HMMR: variants seen among roughly 807,000 people sequenced by gnomAD.
HMMR encodes intracellular hyaluronic acid-binding protein.
In HMMR, 108 loss-of-function variants were observed where a neutral mutation model predicts 101.0. The ratio of observed to expected loss-of-function variants is 1.07; its 90% confidence interval spans 0.92 to 1.25. The LOEUF is 1.25. Among genes scored for constraint, HMMR ranks in the 50% most tolerant of loss-of-function variants. HMMR has a pLI of 0.00. For missense variants in HMMR, 813 were observed against 788.7 expected, an observed-to-expected ratio of 1.03 and a Z score of -0.37; for synonymous variants, 296 against 276.4, an observed-to-expected ratio of 1.07 and a Z score of -0.70.
rs923785653 is a variant in HMMR, at chr5:163,484,113, T to A, written c.1830T>A (p.Asn610Lys). 1 of 1,599,456 alleles carries A rather than the reference T, an allele frequency of 6.3e-7. No individual in the cohort carries two copies. Among genetic ancestry groups the A allele is most frequent in the Admixed American group, 1.7e-5 (1 of 57,194 alleles). ...AAGTAGAAAAACAGGCATTGTTGAA[T>A]GAACATGGTGCAGCTCAGGAACAGC... ...AFEVEKQALLNEHGAAQEQLN... is the reference protein window; with the variant it reads ...AFEVEKQALLKEHGAAQEQLN... Residue 610 changes from asparagine to lysine, a missense_variant, in exon 16 of 18, where the codon AAT (asparagine) becomes AAA (lysine). Coordinates refer to ENST00000393915, the MANE Select transcript of HMMR (RefSeq NM_001142556.2).
chr5:163,488,557 C>G (rs1759565826), intron 16 of HMMR, among the ~76,000 whole-genome samples: 2 of 152,146 alleles, frequency 1.3e-5, no homozygotes, highest in Admixed American at 1.3e-4. Context: ...ATCCCACTAC[C>G]TCCCCAGACC....
Position 163,491,392 on chromosome 5 carries a change from G to T in HMMR, c.*228G>T, listed in dbSNP as rs953263903. ...TTATCACCTCATTCTGAACCCTTTCGCTGGCTTTCCAGCTTAGAATGCATC... is the reference window on the plus strand; with the variant it reads ...TTATCACCTCATTCTGAACCCTTTCTCTGGCTTTCCAGCTTAGAATGCATC... On this transcript the variant is annotated 3_prime_UTR_variant, in exon 18 of 18. Transcript: ENST00000393915. 5.2e-6 allele frequency: 2 copies of T among 384,484 alleles called. No individual in the cohort carries two copies. Among genetic ancestry groups the T allele is most frequent in the Non-Finnish European group, 9.2e-6 (2 of 216,668 alleles). 23.8% of individuals were successfully genotyped at this position (384,484 alleles called of 1,614,324 possible).
chr5:163,468,104 G>A (rs1279839482), intron 4 of HMMR, among the ~76,000 whole-genome samples: 1 of 152,218 alleles, frequency 6.6e-6, no homozygotes, highest in East Asian at 1.9e-4. Context: ...CATAGCTAGA[G>A]GATTTCTTAG....
At chr5:163,489,513 C>T (rs562865341) in intron 16 of HMMR, 12 of 152,462 alleles carry the variant, frequency 7.9e-5, no homozygotes, top group African/African-American at 2.6e-4. Context: ...AGTTTTCTCT[C>T]TGAGTGACAT....
rs771628469 is a variant in HMMR, at chr5:163,474,206, G to A, written c.1053+1G>A. 4.4e-6 allele frequency: 7 copies of A among 1,598,548 alleles called. 1 individual carries two copies. Among genetic ancestry groups the A allele is most frequent in the Non-Finnish European group, 6.0e-6 (7 of 1,172,772 alleles). ...TGATTCACTTCTGCAACAAGAGAAA[G>A]TAATTTACCACCATATTTTTTTAAA... On this transcript the variant is annotated splice_donor_variant, in intron 10 of 17. Transcript: ENST00000393915. LOFTEE classifies it high-confidence loss of function.
At chr5:163,473,968 C>A in intron 9 of HMMR, 89 bp from the exon 10 acceptor site, 2 of 985,002 alleles carry the variant, frequency 2.0e-6, no homozygotes, top group South Asian at 1.5e-5. Context: ...ATGCTAAAAG[C>A]AGTGTAATGG....
intron 2 of HMMR, 74 bp from the exon 3 acceptor site, chr5:163,464,649 T>G (rs2113455542): frequency 1.0e-6 from 1 of 999,272 alleles, no homozygotes; most frequent in Non-Finnish European, 1.5e-6. Flanking sequence ...ACAAAAAAAT[T>G]TGGAAATTGT....
chr5:163,487,353 G>A (rs1221425091), intron 16 of HMMR, among the ~76,000 whole-genome samples: 1 of 151,674 alleles, frequency 6.6e-6, no homozygotes, highest in Non-Finnish European at 1.5e-5. Flanking sequence ...ATATTCCTAA[G>A]ATATACTGGT....
intron 16 of HMMR, among the ~76,000 whole-genome samples, chr5:163,488,810 G>A: frequency 6.6e-6 from 1 of 152,160 alleles, no homozygotes; most frequent in East Asian, 1.9e-4. Flanking sequence ...GATTGCATAC[G>A]AGAGCAGTGC....
At chr5:163,464,978 A>G in intron 3 of HMMR, 176 bp downstream of exon 3, 1 of 575,274 alleles carries the variant, frequency 1.7e-6, no homozygotes, top group Non-Finnish European at 3.1e-6. Context: ...TGCCTAGGTC[A>G]TTATGTTTAA....
chr5:163,488,392 C>G (rs1302103543), intron 16 of HMMR, among the ~76,000 whole-genome samples: 1 of 152,026 alleles, frequency 6.6e-6, no homozygotes, highest in Non-Finnish European at 1.5e-5. Context: ...ATAGGTTATA[C>G]TTTTCTGTTT....
chr5:163,478,635 G>T (rs1759147993), intron 11 of HMMR, 49 bp from the exon 12 acceptor site: 1 of 1,013,090 alleles, frequency 9.9e-7, no homozygotes, highest in Non-Finnish European at 1.6e-6. Context: ...CTTTCTTAGG[G>T]TAGTAATTGT....
At position 163,473,508 on chromosome 5, in the gene HMMR, A is replaced by G; in HGVS notation, c.855A>G (p.Lys285=). ...SLEENIVILS[K]QVEDLNVKCQ... ...AGGAGAATATTGTTATATTATCTAA[A>G]CAAGTAGAAGATCTAAATGTGAAAT... is the stretch of plus-strand genomic sequence containing the variant. Residue 285 remains lysine (K), a synonymous_variant, in exon 9 of 18, where the codon AAA becomes AAG. Transcript: ENST00000393915. The G allele has an allele frequency of 6.3e-7, 1 of 1,592,756 alleles. No homozygotes were observed. Among genetic ancestry groups the G allele is most frequent in the South Asian group, 1.1e-5 (1 of 88,588 alleles).
At chr5:163,465,436 G>A (rs1353382836) in intron 3 of HMMR, among the ~76,000 whole-genome samples, 2 of 152,136 alleles carry the variant, frequency 1.3e-5, no homozygotes, top group African/African-American at 4.8e-5. Context: ...ACAGGCTCAA[G>A]CGATTCTCCT....
chr5:163,468,871 G>A (rs1434833113), intron 4 of HMMR, among the ~76,000 whole-genome samples: 1 of 151,794 alleles, frequency 6.6e-6, no homozygotes, highest in African/African-American at 2.4e-5. Flanking sequence ...ACAAATATTG[G>A]TTTGGGTTTT....
intron 16 of HMMR, among the ~76,000 whole-genome samples, chr5:163,485,640 TC>T (rs1759454072): frequency 6.6e-6 from 1 of 152,226 alleles, no homozygotes; most frequent in African/African-American, 2.4e-5. Flanking sequence ...CTTGATGATG[TC>T]CTTTGACCCA....
chr5:163,470,480 A>G (rs1758849673), intron 5 of HMMR, among the ~76,000 whole-genome samples: 1 of 152,056 alleles, frequency 6.6e-6, no homozygotes, highest in Non-Finnish European at 1.5e-5. Flanking sequence ...AAAATTAGTC[A>G]GGTATGGTGG....
rs899292675 is a variant in HMMR, at chr5:163,491,156, T to C, written c.2170T>C (p.Trp724Arg). ...AGCTCCTATGGAGTGTCAAGAATCA[T>C]GGAAGTAAACATCTGAGAAACCTGT... is the stretch of plus-strand genomic sequence containing the variant. ...YRAPMECQES[W>R]K The change falls in exon 18 of 18, where the codon TGG becomes CGG. Residue 724 changes from tryptophan (W) to arginine (R), a missense_variant. By Grantham distance (101) the Trp-to-Arg change is moderately radical. Transcript: ENST00000393915. 1.9e-6 allele frequency: 3 copies of C among 1,550,332 alleles called. No homozygotes were observed. The highest frequency in any genetic ancestry group is 2.8e-5 in the African/African-American group (2 of 72,534).
chr5:163,473,677 T>C, intron 9 of HMMR, 120 bp downstream of exon 9: 2 of 608,390 alleles, frequency 3.3e-6, no homozygotes, highest in South Asian at 2.6e-5. Flanking sequence ...ATTTTAAATA[T>C]AATTAGCTAT....
Sources: gnomAD v4.1 joint callset for allele counts (sites outside exome capture counted in the v4.1 genomes callset) on GRCh38, gnomAD v4.1.1 for gene constraint, MANE v1.5 for transcripts, NCBI Gene and HGNC (gene_info 2026-07-23, HGNC 2026-07-21) for gene names.